The following IL1RAP variants were observed in gnomAD, a reference collection of about 807,000 sequenced individuals.
The protein encoded by IL1RAP is interleukin 1 receptor accessory protein, also known as interleukin-1 receptor accessory protein.
A neutral mutation model predicts 60.7 loss-of-function variants in IL1RAP; 35 were observed. The ratio of observed to expected loss-of-function variants is 0.58; its 90% CI spans 0.44 to 0.76. The LOEUF is 0.76. IL1RAP is among the 30% of genes least tolerant of loss of function. The pLI is 0.00. For synonymous variants in IL1RAP, 268 were observed against 250.9 expected (o/e 1.07, Z -0.64); for missense variants, 572 against 693.9 (o/e 0.82, Z 1.97).
exon 12 of IL1RAP, chr3:190,656,603 T>C: frequency 6.7e-7 from 1 of 1,500,892 alleles, no homozygotes; most frequent in Non-Finnish European, 8.9e-7. Flanking sequence ...TTTTATATCC[T>C]ATAATTACTG....
chr3:190,573,372 GTA>G (rs1196894993), intron 3 of IL1RAP, among the ~76,000 whole-genome samples: 1 of 152,186 alleles, frequency 6.6e-6, no homozygotes, highest in African/African-American at 2.4e-5. Context: ...TAGTAGCAGT[GTA>G]TTTCTTGAGG....
At chr3:190,555,124 G>A (rs1225368505) in intron 1 of IL1RAP, among the ~76,000 whole-genome samples, 1 of 152,156 alleles carries the variant, frequency 6.6e-6, no homozygotes, top group Non-Finnish European at 1.5e-5. Context: ...ACCTCAGATG[G>A]CTAAGAAACT....
At chr3:190,580,524 C>CT (rs1388588321) in intron 3 of IL1RAP, among the ~76,000 whole-genome samples, 1 of 152,090 alleles carries the variant, frequency 6.6e-6, no homozygotes, top group African/African-American at 2.4e-5. Flanking sequence ...GGACATTATG[C>CT]TAAGTTAAAT....
chr3:190,597,583 A>G (rs1729491655), intron 3 of IL1RAP, among the ~76,000 whole-genome samples: 1 of 152,146 alleles, frequency 6.6e-6, no homozygotes, highest in African/African-American at 2.4e-5. Context: ...TTCAGGCTCT[A>G]CAGCATTTCT....
At chr3:190,567,841 T>C (rs552345101) in intron 3 of IL1RAP, among the ~76,000 whole-genome samples, 2 of 152,166 alleles carry the variant, frequency 1.3e-5, no homozygotes, top group Non-Finnish European at 2.9e-5. Context: ...ATTATAGTAT[T>C]AAATATTTTC....
intron 1 of IL1RAP, among the ~76,000 whole-genome samples, chr3:190,533,865 T>C (rs1449268128): frequency 3.4e-4 from 51 of 152,144 alleles, no homozygotes; most frequent in Non-Finnish European, 1.5e-5. Context: ...GTTGGCAGCA[T>C]ATGAGAAAGT....
At position 190,522,396 on chromosome 3, in the gene IL1RAP, T is replaced by G. The variant is rs9872633; in HGVS notation, c.-89+8177T>G. 4.1e-3 allele frequency among the ~76,000 whole-genome samples: 556 copies of G among 134,166 alleles called. 6 individuals are homozygous for G. The highest frequency in any genetic ancestry group is 0.017 in the African/African-American group (534 of 30,602). 88.0% of individuals were successfully genotyped at this position (134,166 alleles called of 152,430 possible). On this transcript the variant is annotated intron_variant, in intron 1 of 11. Transcript: ENST00000447382. ...CCTTCCTATTATCTATGTATCTTTC[T>G]ATGTATCTATCTATGTATCTATGTA... is the stretch of plus-strand genomic sequence containing the variant.
At chr3:190,604,699 C>T (rs186908998) in intron 4 of IL1RAP, among the ~76,000 whole-genome samples, 15 of 152,218 alleles carry the variant, frequency 9.9e-5, no homozygotes, top group Admixed American at 2.0e-4. Flanking sequence ...CACACCGGTT[C>T]CTGCCTGCCT....
chr3:190,610,197 G>A (rs910556387), intron 5 of IL1RAP, among the ~76,000 whole-genome samples: 1 of 152,122 alleles, frequency 6.6e-6, no homozygotes, highest in Non-Finnish European at 1.5e-5. Context: ...ACAAAGCCAG[G>A]ACGTCTTAAG....
chr3:190,656,264 G>T (rs370941442), downstream of IL1RAP: 8 of 1,537,110 alleles, frequency 5.2e-6, no homozygotes, highest in Non-Finnish European at 5.2e-6. Flanking sequence ...CAAAGGAGGA[G>T]AAGTCGTTTG....
At chr3:190,569,844 C>T (rs1048185122) in intron 3 of IL1RAP, among the ~76,000 whole-genome samples, 4 of 152,036 alleles carry the variant, frequency 2.6e-5, no homozygotes, top group African/African-American at 7.2e-5. Context: ...TCCTGCATAC[C>T]GTTGTAGGAA....
chr3:190,655,774 A>T (rs776418315), downstream of IL1RAP: 2 of 758,106 alleles, frequency 2.6e-6, no homozygotes, highest in Non-Finnish European at 4.2e-6. Context: ...CAGCACTGAG[A>T]TTCTGTCATC....
In IL1RAP at chr3:190,527,385, A is replaced by G. The variant is rs137873641; in HGVS notation, c.-89+13166A>G. On this transcript the variant is annotated intron_variant, in intron 1 of 11. Transcript: ENST00000447382. ...TGACATGCTTGACATGCTTGCCTCT[A>G]CGTGTGTTTTGCAGGGCTGTGGTGA... 3.4e-3 allele frequency among the ~76,000 whole-genome samples: 511 copies of G among 152,330 alleles called. 1 individual carries two copies. The highest frequency in any genetic ancestry group is 5.4e-3 in the Non-Finnish European group (367 of 68,028).
intron 3 of IL1RAP, among the ~76,000 whole-genome samples, chr3:190,586,818 T>A (rs939677537): frequency 4.7e-5 from 7 of 149,310 alleles, no homozygotes; most frequent in African/African-American, 1.3e-4. Context: ...CTTCGGAGTC[T>A]CCACTGGAAA....
chr3:190,543,235 G>T (rs946306659), intron 1 of IL1RAP, among the ~76,000 whole-genome samples: 2 of 152,152 alleles, frequency 1.3e-5, no homozygotes, highest in Non-Finnish European at 2.9e-5. Flanking sequence ...ATCTGAGAAA[G>T]AAATGAGTGT....
At chr3:190,638,467 A>G (rs1410790335) in intron 9 of IL1RAP, among the ~76,000 whole-genome samples, 1 of 152,104 alleles carries the variant, frequency 6.6e-6, no homozygotes, top group Non-Finnish European at 1.5e-5. Flanking sequence ...TTTGTATTTT[A>G]TTATTGAATC....
Position 190,530,943 on chromosome 3 carries a change from G to C in IL1RAP, c.-89+16724G>C, listed in dbSNP as rs140218151. 2.2e-3 allele frequency among the ~76,000 whole-genome samples: 258 copies of C among 118,320 alleles called. 2 individuals carry two copies. The highest frequency in any genetic ancestry group is 0.012 in the African/African-American group (240 of 19,562). The allele number at this position is 118,320 out of a possible 152,430, so 77.6% of individuals were successfully genotyped here. ...GCTCAGAGGTTGTGATGACCATCAA[G>C]TGGCCACTTAGCCCCGATGATTCAA... On this transcript the variant is annotated intron_variant, in intron 1 of 11. Transcript: ENST00000447382.
At chr3:190,628,945 A>G (rs912925964) in intron 8 of IL1RAP, among the ~76,000 whole-genome samples, 3 of 152,194 alleles carry the variant, frequency 2.0e-5, no homozygotes, top group Non-Finnish European at 4.4e-5. Flanking sequence ...AGACCTGGAA[A>G]GATTAGTTAT....
chr3:190,627,134 A>G (rs1732356944), intron 7 of IL1RAP, among the ~76,000 whole-genome samples, 189 bp from the exon 8 acceptor site: 1 of 152,170 alleles, frequency 6.6e-6, no homozygotes, highest in African/African-American at 2.4e-5. Context: ...GGAGTCGACT[A>G]GAGAATTACT....
Sources: allele counts gnomAD v4.1 joint callset (sites outside exome capture counted in the v4.1 genomes callset), GRCh38; gene constraint gnomAD v4.1.1; transcripts MANE v1.5; gene names NCBI Gene and HGNC (gene_info 2026-07-23, HGNC 2026-07-21).